ZNF257: variants seen among roughly 807,000 people sequenced by gnomAD.
ZNF257 encodes the protein bone marrow zinc finger 4.
A neutral mutation model predicts 11.9 loss-of-function variants in ZNF257; 12 were observed. That is an observed-to-expected ratio of 1.01 (90% CI 0.65 to 1.63). The LOEUF is 1.63. Ranked by LOEUF, ZNF257 falls within the 40% of genes most tolerant of loss-of-function variation. The pLI, the probability that ZNF257 is intolerant of heterozygous loss-of-function variation, is 0.00. For missense variants in ZNF257, 580 were observed against 665.5 expected, an observed-to-expected ratio of 0.87 and a Z score of 1.41; for synonymous variants, 183 against 222.7, an observed-to-expected ratio of 0.82 and a Z score of 1.59.
chr19:22,077,109 G>GC (rs2022244245), intron 3 of ZNF257, among the ~76,000 whole-genome samples: 2 of 152,130 alleles, frequency 1.3e-5, no homozygotes, highest in Admixed American at 1.3e-4. Context: ...AGCCCAAAAT[G>GC]TTGAGACCAG....
intron 1 of ZNF257, among the ~76,000 whole-genome samples, chr19:22,057,631 G>C (rs1047463005): frequency 2.0e-5 from 3 of 152,236 alleles, no homozygotes; most frequent in African/African-American, 7.2e-5. Flanking sequence ...TATTGCAACA[G>C]GAGGAAGCAC....
At chr19:22,059,406 T>G (rs1010506502) in intron 1 of ZNF257, among the ~76,000 whole-genome samples, 7 of 152,058 alleles carry the variant, frequency 4.6e-5, no homozygotes, top group Admixed American at 1.3e-4. Context: ...TATTTATTAT[T>G]ATTTTTTGAG....
intron 1 of ZNF257, among the ~76,000 whole-genome samples, chr19:22,059,809 A>G (rs79938821): frequency 6.6e-6 from 1 of 151,736 alleles, no homozygotes; most frequent in African/African-American, 2.4e-5. Context: ...TGAAGCCTCA[A>G]TCTCCTGAGC....
At chr19:22,069,432 G>A (rs76028864) in intron 1 of ZNF257, among the ~76,000 whole-genome samples, 2 of 152,022 alleles carry the variant, frequency 1.3e-5, no homozygotes, top group African/African-American at 2.4e-5. Context: ...GGCCAACATG[G>A]TGAAACCCCA....
In ZNF257 at chr19:22,082,468, C is replaced by T. The variant is rs193153679; in HGVS notation, c.227-5509C>T. ...AGATTACAGGCATGAGCCACTGTGCCTCGCCACCATGTAGCATTTTTTATA... is the reference window on the plus strand; with the variant it reads ...AGATTACAGGCATGAGCCACTGTGCTTCGCCACCATGTAGCATTTTTTATA... On this transcript the variant is annotated intron_variant, in intron 3 of 3. Transcript: ENST00000594947. Among the ~76,000 whole-genome samples, 302 of 152,304 alleles carry T rather than the reference C, an allele frequency of 2.0e-3. 3 individuals carry two copies. Among genetic ancestry groups the T allele is most frequent in the African/African-American group, 6.1e-3 (255 of 41,544 alleles).
chr19:22,068,996 G>A lies in ZNF257; in HGVS notation c.4-3813G>A, dbSNP rs1402447750. ...CTGACGAGTGGTTAACTCTGCTTCT[G>A]TCTCAGTGTAAGAGAAATGGGTCAT... On this transcript the variant is annotated intron_variant, in intron 1 of 3. Coordinates refer to ENST00000594947, the MANE Select transcript of ZNF257 (RefSeq NM_033468.4). Among the ~76,000 whole-genome samples, 5 of 152,122 alleles carry A rather than the reference G, an allele frequency of 3.3e-5. No individual in the cohort carries two copies. The East Asian group carries it at 9.7e-4, about 29-fold the overall frequency.
Position 22,052,520 on chromosome 19 carries a change from GTCTTCCCTGGT to G in ZNF257, c.-112_-102del, listed in dbSNP as rs1041586385. ...CGCTCTAGCCCGAGCTGCAGGTCTC[GTCTTCCCTGGT>G]CTGTGTCCTCTTCTCCTAGGGGCCC... On this transcript the variant is annotated 5_prime_UTR_variant, in exon 1 of 4. Transcript: ENST00000594947. The G allele has an allele frequency of 5.3e-5, 70 of 1,329,882 alleles. No homozygotes were observed. In the African/African-American group the frequency reaches 9.9e-4, roughly 19 times the overall value. The allele number at this position is 1,329,882 out of a possible 1,614,324, so 82.4% of individuals were successfully genotyped here.
chr19:22,058,042 A>G (rs560430172), intron 1 of ZNF257, among the ~76,000 whole-genome samples: 95 of 152,292 alleles, frequency 6.2e-4, no homozygotes, highest in Admixed American at 2.1e-3. Flanking sequence ...GATTACAGGC[A>G]TAAGCCACCG....
chr19:22,087,790 T>C (rs2022508869), intron 3 of ZNF257, among the ~76,000 whole-genome samples, 187 bp from the exon 4 acceptor site: 1 of 152,098 alleles, frequency 6.6e-6, no homozygotes, highest in Non-Finnish European at 1.5e-5. Flanking sequence ...TTTATAAATT[T>C]TCCAAAAATG....
At chr19:22,070,507 G>C (rs1307645049) in intron 1 of ZNF257, among the ~76,000 whole-genome samples, 1 of 152,034 alleles carries the variant, frequency 6.6e-6, no homozygotes, top group Non-Finnish European at 1.5e-5. Flanking sequence ...TGAGCACATA[G>C]AGCACAATGT....
chr19:22,055,120 CAG>C (rs1315270465), intron 1 of ZNF257, among the ~76,000 whole-genome samples: 2 of 152,010 alleles, frequency 1.3e-5, no homozygotes, highest in African/African-American at 4.8e-5. Flanking sequence ...GTAAAAAACA[CAG>C]AAATAATTTC....
At position 22,090,104 on chromosome 19, in the gene ZNF257, G is replaced by T. The variant is rs1345996906; in HGVS notation, c.*662G>T. On this transcript the variant is annotated 3_prime_UTR_variant, in exon 4 of 4. Coordinates refer to ENST00000594947, the MANE Select transcript of ZNF257 (RefSeq NM_033468.4). Reference sequence around the variant, plus strand: ...GGAAAGCATTTATAGTTGAGAAATGGTGTACAAATATAAAGAATGTGGAAA... The same window carrying T: ...GGAAAGCATTTATAGTTGAGAAATGTTGTACAAATATAAAGAATGTGGAAA... 2 of 152,276 alleles carry T rather than the reference G, an allele frequency of 1.3e-5. No homozygotes were observed. The highest frequency in any genetic ancestry group is 2.9e-5 in the Non-Finnish European group (2 of 68,200). 9.4% of individuals were successfully genotyped at this position (152,276 alleles called of 1,614,324 possible). A position where few individuals can be genotyped will look rare whatever the true frequency, so the allele number is the denominator to read the frequency against.
At chr19:22,084,089 G>A (rs536298964) in intron 3 of ZNF257, among the ~76,000 whole-genome samples, 1 of 150,620 alleles carries the variant, frequency 6.6e-6, no homozygotes, top group African/African-American at 2.5e-5. Flanking sequence ...GCAGTGAGCT[G>A]AGATCGCGCC....
At chr19:22,066,615 C>G (rs2021953195) in intron 1 of ZNF257, among the ~76,000 whole-genome samples, 1 of 139,468 alleles carries the variant, frequency 7.2e-6, no homozygotes, top group Non-Finnish European at 1.5e-5. Flanking sequence ...TGATAGCATC[C>G]TAATCAACCA....
intron 3 of ZNF257, among the ~76,000 whole-genome samples, chr19:22,080,885 T>TG (rs1459185314): frequency 6.7e-6 from 1 of 148,916 alleles, no homozygotes; most frequent in African/African-American, 2.5e-5. Flanking sequence ...TATAGTTGGT[T>TG]TTTTTTTTTT....
At chr19:22,075,625 CA>C (rs1214609390) in intron 3 of ZNF257, 1 of 152,198 alleles carries the variant, frequency 6.6e-6, no homozygotes, top group Non-Finnish European at 1.5e-5. Flanking sequence ...TAGCCAAGAC[CA>C]GGGGTCCTGT....
At chr19:22,053,278 G>A (rs746381163) in intron 1 of ZNF257, among the ~76,000 whole-genome samples, 2 of 137,462 alleles carry the variant, frequency 1.5e-5, no homozygotes, top group African/African-American at 2.7e-5. Context: ...TGAGGCAGGA[G>A]AATCGCTTGA....
intron 3 of ZNF257, among the ~76,000 whole-genome samples, chr19:22,082,915 G>T (rs567945569): frequency 3.4e-4 from 52 of 152,204 alleles, no homozygotes; most frequent in Non-Finnish European, 6.5e-4. Context: ...AATCAAATAT[G>T]AATCAGCCAT....
intron 3 of ZNF257, among the ~76,000 whole-genome samples, chr19:22,075,147 A>C (rs1445517562): frequency 6.6e-6 from 1 of 152,076 alleles, no homozygotes; most frequent in African/African-American, 2.4e-5. Flanking sequence ...ACTAGGGTCC[A>C]CCTTTAGTTG....
Sources: allele counts gnomAD v4.1 joint callset (sites outside exome capture counted in the v4.1 genomes callset), GRCh38; gene constraint gnomAD v4.1.1; transcripts MANE v1.5; gene names NCBI Gene and HGNC (gene_info 2026-07-23, HGNC 2026-07-21).